RGS9: variants seen among roughly 807,000 people sequenced by gnomAD.
RGS9 encodes the protein regulator of G-protein signalling 9.
RGS9 carries 78 observed loss-of-function variants against 102.0 expected under a neutral mutation model. The observed-to-expected ratio is 0.76, with a 90% CI of 0.64 to 0.92. RGS9 has a LOEUF of 0.92. RGS9 is among the 40% of genes least tolerant of loss of function. The pLI is 0.00. For missense variants in RGS9, 833 were observed against 866.1 expected (o/e 0.96, Z 0.48); for synonymous variants, 353 against 318.6 (o/e 1.11, Z -1.15).
chr17:65,169,446 A>C (rs969878876), intron 8 of RGS9, among the ~76,000 whole-genome samples: 2 of 152,178 alleles, frequency 1.3e-5, no homozygotes, highest in Non-Finnish European at 2.9e-5. Flanking sequence ...GGTAGCGAAG[A>C]AACTCTTTGT....
chr17:65,216,029 A>G (rs912570792), intron 17 of RGS9, among the ~76,000 whole-genome samples: 2 of 152,202 alleles, frequency 1.3e-5, no homozygotes, highest in African/African-American at 2.4e-5. Flanking sequence ...GATGGATCCT[A>G]TCTGGAGGCA....
rs903192828 is a variant in RGS9, at chr17:65,225,310, C to A, written c.1716C>A (p.Ala572=). The A allele has an allele frequency of 6.2e-6, 10 of 1,610,092 alleles. No individual in the cohort carries two copies. The African/African-American group carries it at 1.2e-4, about 19-fold the overall frequency. The change falls in exon 18 of 19, where the codon GCC becomes GCA. Residue 572 remains alanine, a synonymous_variant. Transcript: ENST00000262406. ...CCTGGCCTCGCAGCCGGCCCAGGGC[C>A]CCTCCTAAGGCCCGCATGGCTCTGT... ...DTSWPRSRPR[A]PPKARMALSF...
chr17:65,157,646 C>A (rs990398012), intron 2 of RGS9, among the ~76,000 whole-genome samples: 28 of 151,930 alleles, frequency 1.8e-4, no homozygotes, highest in African/African-American at 6.0e-4. Flanking sequence ...ACACATGGAG[C>A]CTTCATTCCA....
At chr17:65,186,866 C>T (rs1357752082) in intron 9 of RGS9, among the ~76,000 whole-genome samples, 2 of 152,154 alleles carry the variant, frequency 1.3e-5, no homozygotes, top group Non-Finnish European at 2.9e-5. Flanking sequence ...TGTAAAAGTA[C>T]AGCTCCCCCT....
At position 65,190,247 on chromosome 17, in the gene RGS9, G is replaced by T. The variant is rs767981012; in HGVS notation, c.746+11G>T. 1.2e-6 allele frequency: 2 copies of T among 1,608,388 alleles called. No homozygotes were observed. The highest frequency in any genetic ancestry group is 2.2e-5 in the South Asian group (2 of 90,942). On this transcript the variant is annotated intron_variant, in intron 11 of 18. Transcript: ENST00000262406. ...TGTGTCCCTGGGAGGGTATGTCCCT[G>T]ATTTGTTGATCTTGCTAAAGTCTGA... is the stretch of plus-strand genomic sequence containing the variant.
intron 11 of RGS9, 63 bp from the exon 12 acceptor site, chr17:65,193,480 G>A: frequency 2.0e-6 from 2 of 977,504 alleles, no homozygotes; most frequent in African/African-American, 1.6e-5. Flanking sequence ...CAGTTGACCT[G>A]TGTATTGATG....
chr17:65,167,046 G>A (rs1016104162), intron 7 of RGS9, among the ~76,000 whole-genome samples: 3 of 152,122 alleles, frequency 2.0e-5, no homozygotes, highest in East Asian at 1.9e-4. Context: ...AAGTGTGAGC[G>A]CGGGTCTCCG....
At chr17:65,168,045 G>C (rs1286335650) in intron 7 of RGS9, among the ~76,000 whole-genome samples, 155 bp from the exon 8 acceptor site, 7 of 152,214 alleles carry the variant, frequency 4.6e-5, no homozygotes, top group Admixed American at 4.6e-4. Context: ...GTACTTAAGT[G>C]AGATGTCAGT....
At position 65,227,263 on chromosome 17, in the gene RGS9, T is replaced by C; in HGVS notation, c.1893-12T>C. On this transcript the variant is annotated splice_polypyrimidine_tract_variant and intron_variant, in intron 18 of 18. Transcript: ENST00000262406. The stretch of plus-strand genomic sequence containing the variant: ...TGCCCCTACATTACTGGCTTTCCTC[T>C]TGCACCTGAAGCTTTTTCCAGATCA... 1 of 1,614,102 alleles carries C rather than the reference T, an allele frequency of 6.2e-7. No individual in the cohort carries two copies. Among genetic ancestry groups the C allele is most frequent in the Non-Finnish European group, 8.5e-7 (1 of 1,179,996 alleles).
At chr17:65,211,994 C>CA (rs1465558517) in intron 17 of RGS9, among the ~76,000 whole-genome samples, 1 of 152,210 alleles carries the variant, frequency 6.6e-6, no homozygotes, top group African/African-American at 2.4e-5. Flanking sequence ...AGGAGTGTTG[C>CA]AGTGGCCTAG....
intron 6 of RGS9, among the ~76,000 whole-genome samples, chr17:65,161,854 G>A (rs1910998978): frequency 6.6e-6 from 1 of 151,748 alleles, no homozygotes; most frequent in Non-Finnish European, 1.5e-5. Context: ...GACTACAGGA[G>A]CACACCACCA....
chr17:65,155,180 G>A (rs1910724068), intron 2 of RGS9, among the ~76,000 whole-genome samples: 1 of 152,178 alleles, frequency 6.6e-6, no homozygotes, highest in Non-Finnish European at 1.5e-5. Context: ...GGAAACAGGG[G>A]GCAGACTTTT....
At chr17:65,153,368 C>A in intron 1 of RGS9, 54 bp from the exon 2 acceptor site, 4 of 1,488,898 alleles carry the variant, frequency 2.7e-6, no homozygotes, top group Non-Finnish European at 3.8e-6. Context: ...AATTGCCCTG[C>A]ACAACTTTCA....
rs114653101 is a variant in RGS9, at chr17:65,166,951, C to T, written c.501-1249C>T. 7.8e-3 allele frequency among the ~76,000 whole-genome samples: 1,184 copies of T among 152,296 alleles called. 10 individuals are homozygous for T. The highest frequency in any genetic ancestry group is 0.027 in the African/African-American group (1,111 of 41,546). ...GAGTGTTATGATGTTTTTCACAGTA[C>T]GTTAACGGGGAGATGAATTCGCCGA... is the stretch of plus-strand genomic sequence containing the variant. On this transcript the variant is annotated intron_variant, in intron 7 of 18. Coordinates refer to ENST00000262406, the MANE Select transcript of RGS9 (RefSeq NM_003835.4).
chr17:65,158,512 T>C (rs1313217796), intron 3 of RGS9, 167 bp downstream of exon 3: 1 of 729,370 alleles, frequency 1.4e-6, no homozygotes, highest in Non-Finnish European at 2.5e-6. Context: ...GGCAGGATAA[T>C]TTGGGGACGA....
chr17:65,211,945 G>C (rs1913320897), intron 17 of RGS9, among the ~76,000 whole-genome samples: 1 of 152,250 alleles, frequency 6.6e-6, no homozygotes, highest in African/African-American at 2.4e-5. Flanking sequence ...GGTCATCTGT[G>C]TGGCTCTGTG....
At chr17:65,142,403 T>C (rs1168866727) in intron 1 of RGS9, among the ~76,000 whole-genome samples, 1 of 152,172 alleles carries the variant, frequency 6.6e-6, no homozygotes, top group Non-Finnish European at 1.5e-5. Context: ...TGAGTTGGTT[T>C]ATATGCTAGA....
chr17:65,152,280 G>T (rs1301282885), intron 1 of RGS9, among the ~76,000 whole-genome samples: 1 of 152,200 alleles, frequency 6.6e-6, no homozygotes, highest in Non-Finnish European at 1.5e-5. Flanking sequence ...ATGGCTGGGG[G>T]AAGGAAGGTG....
intron 2 of RGS9, among the ~76,000 whole-genome samples, chr17:65,156,423 C>T (rs1910770471): frequency 6.6e-6 from 1 of 152,266 alleles, no homozygotes; most frequent in Non-Finnish European, 1.5e-5. Context: ...GGTCGCCCAT[C>T]CTGCCATGGC....
Sources: gnomAD v4.1 joint callset for allele counts (sites outside exome capture counted in the v4.1 genomes callset) on GRCh38, gnomAD v4.1.1 for gene constraint, MANE v1.5 for transcripts, NCBI Gene and HGNC (gene_info 2026-07-23, HGNC 2026-07-21) for gene names.